Variants in CADPS observed in about 807,000 individuals in gnomAD.
CADPS encodes the protein calcium dependent secretion activator.
In CADPS, 57 loss-of-function variants were observed where a neutral mutation model predicts 167.3. The observed-to-expected ratio is 0.34, with a 90% CI of 0.28 to 0.42. The LOEUF (loss-of-function observed/expected upper bound fraction) is 0.42. Ranked by LOEUF, CADPS falls within the 20% of genes least tolerant of loss-of-function variation. The pLI is 1.00. For missense variants in CADPS, 1,414 were observed against 1,738.1 expected (o/e 0.81, Z 3.32); for synonymous variants, 676 against 635.3 (o/e 1.06, Z -0.96).
At chr3:62,677,588 G>A (rs550070893) in intron 3 of CADPS, among the ~76,000 whole-genome samples, 10 of 152,138 alleles carry the variant, frequency 6.6e-5, no homozygotes, top group African/African-American at 2.4e-4. Flanking sequence ...CCTGCAACAA[G>A]GAATTATCCA....
At chr3:62,741,213 C>A (rs2080163908) in intron 3 of CADPS, among the ~76,000 whole-genome samples, 2 of 152,122 alleles carry the variant, frequency 1.3e-5, no homozygotes, top group African/African-American at 4.8e-5. Flanking sequence ...GAGCTGGTAC[C>A]ATTTCTACTG....
chr3:62,795,770 T>C (rs1483571730), intron 1 of CADPS, among the ~76,000 whole-genome samples: 2 of 152,190 alleles, frequency 1.3e-5, no homozygotes, highest in African/African-American at 4.8e-5. Context: ...ACTGGTATTA[T>C]GGACCACAGA....
intron 6 of CADPS, among the ~76,000 whole-genome samples, chr3:62,614,006 C>T (rs942087365): frequency 2.0e-5 from 3 of 152,202 alleles, no homozygotes; most frequent in Non-Finnish European, 2.9e-5. Flanking sequence ...CCACCTCCAA[C>T]TCCCTGCCTG....
At position 62,478,296 on chromosome 3, in the gene CADPS, C is replaced by G; in HGVS notation, c.3294G>C (p.Leu1098Phe). ...AAGATTCGATCATGTCACTTGCCAT[C>G]AACTTCAGCCGTTGTTCCAGGTGCT... ...FGKHLEQRLK[L>F]MASDMIESCV... is the part of the protein sequence containing the mutation. Residue 1098 changes from leucine to phenylalanine, a missense_variant, in exon 23 of 30, where the codon TTG (leucine) becomes TTC (phenylalanine). Physicochemically the swap from Leu to Phe is conservative, Grantham distance 22. Transcript: ENST00000383710. This position sits in a 1 kb window ranked among gnomAD's most constrained non-coding sequence, Gnocchi z 5.7. The G allele has an allele frequency of 1.2e-6, 2 of 1,613,868 alleles. No homozygotes were observed. The highest frequency in any genetic ancestry group is 1.7e-6 in the Non-Finnish European group (2 of 1,179,818).
intron 6 of CADPS, among the ~76,000 whole-genome samples, chr3:62,612,644 C>T (rs933618829): frequency 6.6e-5 from 10 of 152,168 alleles, no homozygotes; most frequent in African/African-American, 2.2e-4. Context: ...AGGTACCAAC[C>T]AAATGACTTC....
intron 28 of CADPS, among the ~76,000 whole-genome samples, chr3:62,418,322 CTCT>C (rs1389170604): frequency 5.7e-5 from 8 of 139,458 alleles, no homozygotes; most frequent in African/African-American, 2.2e-4. Context: ...TCTTTTTTCT[CTCT>C]TTTTTTTTTT....
At position 62,823,909 on chromosome 3, in the gene CADPS, T is replaced by G. The variant is rs143370311; in HGVS notation, c.441+50680A>C. On this transcript the variant is annotated intron_variant, in intron 1 of 29. Coordinates refer to ENST00000383710, the MANE Select transcript of CADPS (RefSeq NM_003716.4). ...CCTTAGGGGGCTGCAGGTTTACAAG[T>G]TGCATGACAGCCTAAGTTAACACGG... 1.8e-3 allele frequency among the ~76,000 whole-genome samples: 278 copies of G among 152,262 alleles called. 1 individual carries two copies. The highest frequency in any genetic ancestry group is 6.4e-3 in the African/African-American group (267 of 41,546).
At chr3:62,746,443 C>A (rs1220446655) in intron 3 of CADPS, among the ~76,000 whole-genome samples, 1 of 152,146 alleles carries the variant, frequency 6.6e-6, no homozygotes, top group African/African-American at 2.4e-5. Flanking sequence ...TCAAGCGATT[C>A]TCCCACCTTG....
chr3:62,471,277 G>C (rs1209933215), intron 24 of CADPS, among the ~76,000 whole-genome samples: 3 of 152,172 alleles, frequency 2.0e-5, no homozygotes, highest in African/African-American at 7.2e-5. Context: ...GAAGCAATTA[G>C]TGGTAAAGAG....
chr3:62,791,430 G>A (rs1025460459), intron 1 of CADPS, among the ~76,000 whole-genome samples: 3 of 152,188 alleles, frequency 2.0e-5, no homozygotes, highest in African/African-American at 4.8e-5. Context: ...AGCAGCATCA[G>A]CATTATCTGG....
chr3:62,825,031 G>A (rs766127747), intron 1 of CADPS, among the ~76,000 whole-genome samples: 5 of 152,102 alleles, frequency 3.3e-5, no homozygotes, highest in Admixed American at 6.6e-5. Context: ...TTTTGTAAAA[G>A]AAAATCACTG....
At chr3:62,853,131 T>C (rs186611220) in intron 1 of CADPS, among the ~76,000 whole-genome samples, 2 of 152,282 alleles carry the variant, frequency 1.3e-5, no homozygotes, top group East Asian at 3.9e-4. Context: ...AAGTGAACAG[T>C]AGGACAAACA....
intron 8 of CADPS, 38 bp downstream of exon 8, chr3:62,585,147 G>T: frequency 6.2e-7 from 1 of 1,600,344 alleles, no homozygotes; most frequent in Non-Finnish European, 8.6e-7. Context: ...ATGAACAGAC[G>T]TGTGTCCAAA....
intron 28 of CADPS, among the ~76,000 whole-genome samples, chr3:62,424,542 G>A (rs193077802): frequency 9.6e-4 from 146 of 152,288 alleles, no homozygotes; most frequent in African/African-American, 3.4e-3. Context: ...GTTAAGTAGT[G>A]TGAAGCAAGA....
intron 15 of CADPS, 116 bp from the exon 16 acceptor site, chr3:62,516,298 G>C (rs1343741070): frequency 4.5e-6 from 6 of 1,328,536 alleles, no homozygotes; most frequent in East Asian, 2.4e-5. Flanking sequence ...ATAAGATTGA[G>C]AGCCATGCTT....
chr3:62,851,196 A>G (rs1187342108), intron 1 of CADPS, among the ~76,000 whole-genome samples: 1 of 141,568 alleles, frequency 7.1e-6, no homozygotes. Flanking sequence ...TTTCCTGAAT[A>G]CAGCACATTG....
chr3:62,571,773 A>G (rs777439840), intron 8 of CADPS, among the ~76,000 whole-genome samples: 1 of 152,178 alleles, frequency 6.6e-6, no homozygotes, highest in Non-Finnish European at 1.5e-5. Flanking sequence ...CATGTTGGTC[A>G]GGCTGGTCTC....
chr3:62,407,512 C>T (rs1468322912), intron 28 of CADPS, among the ~76,000 whole-genome samples: 1 of 152,186 alleles, frequency 6.6e-6, no homozygotes, highest in East Asian at 1.9e-4. Flanking sequence ...CTTACACTGG[C>T]TACTTATTAG....
At chr3:62,523,929 GA>G (rs1326749835) in intron 13 of CADPS, among the ~76,000 whole-genome samples, 2 of 152,182 alleles carry the variant, frequency 1.3e-5, no homozygotes, top group African/African-American at 4.8e-5. Context: ...AAACAAGCAT[GA>G]TAACTGAATC....
Sources: allele counts gnomAD v4.1 joint callset (sites outside exome capture counted in the v4.1 genomes callset), GRCh38; gene constraint gnomAD v4.1.1; non-coding constraint Gnocchi (gnomAD v3.1); transcripts MANE v1.5; gene names NCBI Gene and HGNC (gene_info 2026-07-23, HGNC 2026-07-21).